Variants in SAMD12 observed in about 807,000 individuals in gnomAD.
SAMD12 encodes the protein sterile alpha motif domain containing 12.
SAMD12 carries 9 observed loss-of-function variants against 15.0 expected under a neutral mutation model. That is an observed-to-expected ratio of 0.60 (90% confidence interval 0.36 to 1.05). The LOEUF (loss-of-function observed/expected upper bound fraction) is 1.05, where lower values mean the gene tolerates loss of function less well. SAMD12 is among the 50% of genes least tolerant of loss of function. The pLI is 0.01. For missense variants in SAMD12, 230 were observed against 234.2 expected (o/e 0.98, Z 0.12); for synonymous variants, 86 against 90.1 (o/e 0.96, Z 0.25).
At chr8:118,152,425 C>T in the SAMD12 span, among the ~76,000 whole-genome samples, 1 of 150,428 alleles carries the variant, frequency 6.6e-6, no homozygotes, top group Non-Finnish European at 1.5e-5. Context: ...CCTTTCCTTT[C>T]CTTTTCCTTC....
chr8:118,335,099 C>T (rs1046658427), intron 4 of SAMD12, among the ~76,000 whole-genome samples: 4 of 152,162 alleles, frequency 2.6e-5, no homozygotes, highest in African/African-American at 9.7e-5. Context: ...GTCTTTGCAT[C>T]ACACTGCAGT....
At chr8:118,307,829 GT>G (rs1815422601) in intron 4 of SAMD12, among the ~76,000 whole-genome samples, 4 of 151,940 alleles carry the variant, frequency 2.6e-5, no homozygotes, top group African/African-American at 9.7e-5. Flanking sequence ...TCTGGCTTTT[GT>G]TTGGGTTGGG....
chr8:118,191,811 T>TAGAGAGAGAGAGAGAGAGAG (rs1187043376), exon 5 of SAMD12: 5 of 8,154 alleles, frequency 6.1e-4, no homozygotes, highest in Admixed American at 2.6e-3. Flanking sequence ...TATATATATA[T>TAGAGAGAGAGAGAGAGAGAG]AGAGAGAGAG....
At chr8:118,246,007 G>A (rs527748320) in intron 4 of SAMD12, among the ~76,000 whole-genome samples, 2 of 152,268 alleles carry the variant, frequency 1.3e-5, no homozygotes, top group South Asian at 2.1e-4. Flanking sequence ...AGAGGGAAGC[G>A]TGGATATAGA....
At chr8:118,551,305 A>C (rs1826326814) in intron 2 of SAMD12, among the ~76,000 whole-genome samples, 1 of 150,716 alleles carries the variant, frequency 6.6e-6, no homozygotes, top group Non-Finnish European at 1.5e-5. Context: ...ATGTAAAAGA[A>C]CAGAAATTAT....
intron 3 of SAMD12, among the ~76,000 whole-genome samples, chr8:118,407,962 TCTCA>T (rs755545004): frequency 1.1e-4 from 16 of 152,260 alleles, no homozygotes; most frequent in Admixed American, 2.6e-4. Flanking sequence ...TGGACTTCGT[TCTCA>T]CTGTGAATGA....
At chr8:118,165,511 C>T in the SAMD12 span, among the ~76,000 whole-genome samples, 4 of 150,808 alleles carry the variant, frequency 2.7e-5, no homozygotes, top group Non-Finnish European at 5.9e-5. Context: ...CTGCCTTGGC[C>T]TCCTAAAATG....
chr8:118,428,987 T>G (rs758893944), intron 3 of SAMD12, among the ~76,000 whole-genome samples: 1 of 152,208 alleles, frequency 6.6e-6, no homozygotes, highest in Non-Finnish European at 1.5e-5. Flanking sequence ...AAATCTGGTG[T>G]TATATTGATT....
chr8:118,537,963 G>A (rs1825891627), intron 2 of SAMD12, among the ~76,000 whole-genome samples: 1 of 152,108 alleles, frequency 6.6e-6, no homozygotes, highest in Non-Finnish European at 1.5e-5. Context: ...GTATTGGAGG[G>A]GACTTAGGTG....
intron 2 of SAMD12, among the ~76,000 whole-genome samples, chr8:118,470,758 T>A (rs939654897): frequency 1.3e-5 from 2 of 152,192 alleles, no homozygotes; most frequent in Non-Finnish European, 2.9e-5. Context: ...AATGAACATA[T>A]TAGAATATGT....
chr8:118,175,187 A>G, the SAMD12 span, among the ~76,000 whole-genome samples: 1 of 152,178 alleles, frequency 6.6e-6, no homozygotes, highest in Non-Finnish European at 1.5e-5. Flanking sequence ...ATAAAGCTGC[A>G]CACCTACAAC....
intron 3 of SAMD12, among the ~76,000 whole-genome samples, chr8:118,388,941 C>G (rs1352375979): frequency 6.6e-6 from 1 of 152,198 alleles, no homozygotes; most frequent in Non-Finnish European, 1.5e-5. Flanking sequence ...TTCTCAAATA[C>G]AGCCTGGCAT....
At chr8:118,537,348 C>T (rs534012379) in intron 2 of SAMD12, among the ~76,000 whole-genome samples, 3 of 151,896 alleles carry the variant, frequency 2.0e-5, no homozygotes, top group African/African-American at 4.8e-5. Flanking sequence ...TGTTATTACC[C>T]CCTTTGAATA....
At position 118,286,181 on chromosome 8, in the gene SAMD12, G is replaced by A. The variant is rs889048140; in HGVS notation, c.434-88449C>T. On this transcript the variant is annotated intron_variant, in intron 4 of 4. Coordinates refer to the SAMD12 transcript ENST00000409003. The stretch of plus-strand genomic sequence containing the variant: ...GGGGCCTGTTGTGGGGTGAGGGGAG[G>A]GGGGAGGGATAGCATTAGGAGATAT... Among the ~76,000 whole-genome samples the A allele has an allele frequency of 2.1e-5, 3 of 139,566 alleles. No individual in the cohort carries two copies. The East Asian group carries it at 7.5e-4, about 35-fold the overall frequency. 91.6% of individuals were successfully genotyped at this position (139,566 alleles called of 152,430 possible).
intron 4 of SAMD12, among the ~76,000 whole-genome samples, chr8:118,206,809 G>C (rs148477809): frequency 1.3e-5 from 2 of 152,320 alleles, no homozygotes; most frequent in African/African-American, 4.8e-5. Context: ...TCATAATAAT[G>C]TTGCAGGGAC....
intron 2 of SAMD12, among the ~76,000 whole-genome samples, chr8:118,454,603 T>A (rs1268898011): frequency 1.3e-5 from 2 of 152,206 alleles, no homozygotes; most frequent in Non-Finnish European, 2.9e-5. Context: ...TATCTACATT[T>A]AAAAAAGTTT....
At chr8:118,510,209 C>T (rs60956836) in intron 2 of SAMD12, among the ~76,000 whole-genome samples, 8,606 of 151,922 alleles carry the variant, frequency 0.057, 771 homozygotes, top group African/African-American at 0.19. Flanking sequence ...TGATCAACCC[C>T]CCCACCACAC....
chr8:118,329,623 C>A (rs1302949198), intron 4 of SAMD12, among the ~76,000 whole-genome samples: 2 of 152,176 alleles, frequency 1.3e-5, no homozygotes, highest in African/African-American at 4.8e-5. Context: ...CTTCTACCAC[C>A]TAGGTAGATA....
chr8:118,247,904 G>T (rs932586014), intron 4 of SAMD12, among the ~76,000 whole-genome samples: 1 of 152,056 alleles, frequency 6.6e-6, no homozygotes, highest in East Asian at 1.9e-4. Flanking sequence ...TATAAATTAA[G>T]ACAGATTAAA....
Sources: gnomAD v4.1 joint callset for allele counts (sites outside exome capture counted in the v4.1 genomes callset) on GRCh38, gnomAD v4.1.1 for gene constraint, MANE v1.5 for transcripts, NCBI Gene and HGNC (gene_info 2026-07-23, HGNC 2026-07-21) for gene names.